RFTN2: variants seen among roughly 807,000 people sequenced by gnomAD.
The protein encoded by RFTN2 is raftlin family member 2.
A neutral mutation model predicts 52.7 loss-of-function variants in RFTN2; 34 were observed. The observed-to-expected ratio is 0.64, with a 90% CI of 0.49 to 0.86. RFTN2 has a LOEUF of 0.86. RFTN2 is among the 40% of genes least tolerant of loss of function. The pLI, the probability that RFTN2 is intolerant of heterozygous loss-of-function variation, is 0.00. For missense variants in RFTN2, 536 were observed against 600.1 expected, an observed-to-expected ratio of 0.89 and a Z score of 1.12; for synonymous variants, 203 against 217.7, an observed-to-expected ratio of 0.93 and a Z score of 0.59.
chr2:197,621,013 C>T (rs2088255181), intron 5 of RFTN2, among the ~76,000 whole-genome samples: 2 of 151,848 alleles, frequency 1.3e-5, no homozygotes, highest in South Asian at 4.2e-4. Context: ...AACAAAAAAC[C>T]CAGTGAAGTT....
chr2:197,618,044 G>A, intron 5 of RFTN2, 123 bp from the exon 6 acceptor site: 1 of 626,858 alleles, frequency 1.6e-6, no homozygotes, highest in South Asian at 2.6e-5. Flanking sequence ...AAAAACATTT[G>A]TTGCCCCCTC....
At chr2:197,587,403 C>G (rs947904481) in intron 8 of RFTN2, among the ~76,000 whole-genome samples, 5 of 152,068 alleles carry the variant, frequency 3.3e-5, no homozygotes, top group African/African-American at 1.2e-4. Context: ...ATCCAGATGG[C>G]CTGAAGTAAT....
chr2:197,647,175 CCAGT>C (rs2088765318), intron 1 of RFTN2, among the ~76,000 whole-genome samples: 1 of 152,048 alleles, frequency 6.6e-6, no homozygotes, highest in Admixed American at 6.6e-5. Context: ...ATTTGAAGAG[CCAGT>C]CATTTTTATG....
rs560969201 is a variant in RFTN2 at position 197,631,614 on chromosome 2, A to C, written c.719-394T>G. ...GACCTTTTGTTCAACATGCCTTTGA[A>C]ATGTAAATAACCATATAGATCTTAT... On this transcript the variant is annotated intron_variant, in intron 4 of 8. Transcript: ENST00000295049. Among the ~76,000 whole-genome samples the C allele has an allele frequency of 4.6e-4, 70 of 152,350 alleles. 2 individuals are homozygous for C. In the South Asian group the frequency reaches 0.01, roughly 22 times the overall value.
At chr2:197,610,267 T>C (rs1178465785) in intron 7 of RFTN2, among the ~76,000 whole-genome samples, 1 of 152,244 alleles carries the variant, frequency 6.6e-6, no homozygotes, top group Non-Finnish European at 1.5e-5. Context: ...GTTCTTCCAT[T>C]TGTTTGTGTC....
At chr2:197,615,756 C>A (rs747996640) in intron 7 of RFTN2, 120 bp downstream of exon 7, 1 of 608,636 alleles carries the variant, frequency 1.6e-6, no homozygotes, top group Non-Finnish European at 2.9e-6. Context: ...AAATCAAATT[C>A]GAAGCTCAGT....
intron 3 of RFTN2, among the ~76,000 whole-genome samples, chr2:197,636,437 C>T (rs1213702545): frequency 4.6e-5 from 6 of 130,784 alleles, no homozygotes; most frequent in Non-Finnish European, 8.1e-5. Flanking sequence ...TGTAGTTCTC[C>T]TTGAAGAGGT....
At chr2:197,602,459 C>A (rs2087894610) in intron 7 of RFTN2, among the ~76,000 whole-genome samples, 3 of 152,116 alleles carry the variant, frequency 2.0e-5, no homozygotes, top group African/African-American at 7.2e-5. Flanking sequence ...TAATTTCAAG[C>A]ATCTTTGAGA....
At chr2:197,618,836 G>GC (rs1354046296) in intron 5 of RFTN2, among the ~76,000 whole-genome samples, 1 of 151,210 alleles carries the variant, frequency 6.6e-6, no homozygotes, top group Non-Finnish European at 1.5e-5. Flanking sequence ...GAAGTGAGGA[G>GC]CCCCTCCGCC....
chr2:197,638,592 G>C (rs1438612813), intron 3 of RFTN2, among the ~76,000 whole-genome samples: 1 of 137,268 alleles, frequency 7.3e-6, no homozygotes, highest in East Asian at 2.0e-4. Flanking sequence ...CATTTGCTTG[G>C]TAGATCTTCC....
At chr2:197,592,495 G>C (rs6726807) in intron 8 of RFTN2, among the ~76,000 whole-genome samples, 6,054 of 152,274 alleles carry the variant, frequency 0.04, 384 homozygotes, top group African/African-American at 0.14. Flanking sequence ...GTGCCTGGCT[G>C]AAGAAATTTT....
In RFTN2 at chr2:197,626,483, C is replaced by T. The variant is rs147149930; in HGVS notation, c.928+4528G>A. ...GGAGGCTGAGGTGGGAGGATTGCCTCGGCCCAGGAGTTCAAGGCTACAGTG... is the reference window on the plus strand; with the variant it reads ...GGAGGCTGAGGTGGGAGGATTGCCTTGGCCCAGGAGTTCAAGGCTACAGTG... On this transcript the variant is annotated intron_variant, in intron 5 of 8. Transcript: ENST00000295049. 6.3e-4 allele frequency among the ~76,000 whole-genome samples: 96 copies of T among 151,536 alleles called. 1 individual carries two copies. The highest frequency in any genetic ancestry group is 3.4e-3 in the Middle Eastern group (1 of 294).
chr2:197,572,761 C>G (rs1408507141), intron 8 of RFTN2, among the ~76,000 whole-genome samples: 1 of 152,140 alleles, frequency 6.6e-6, no homozygotes, highest in Non-Finnish European at 1.5e-5. Flanking sequence ...TGTCCCCACC[C>G]AAATCTCATC....
chr2:197,669,025 A>G (rs2089104135), intron 1 of RFTN2, among the ~76,000 whole-genome samples: 1 of 151,978 alleles, frequency 6.6e-6, no homozygotes, highest in African/African-American at 2.4e-5. Flanking sequence ...TCCTTGTTTT[A>G]GATATTTCTT....
chr2:197,596,022 A>G lies in RFTN2; in HGVS notation c.1202T>C (p.Val401Ala). 6.2e-7 allele frequency: 1 copy of G among 1,612,596 alleles called. No homozygotes were observed. The highest frequency in any genetic ancestry group is 2.2e-5 in the East Asian group (1 of 44,856). ...TGTTTGAGCAGCTGAATTCCACATA[A>G]CTGGCCTCTGAAGGAATACGATCTG... The part of the protein sequence containing the change: ...TKQIVFLQRP[V>A]MWNSAAQTPD... The change falls in exon 8 of 9, where the codon GTT (valine) becomes GCT (alanine). Residue 401 changes from valine (V) to alanine (A), a missense_variant. Coordinates refer to ENST00000295049, the MANE Select transcript of RFTN2 (RefSeq NM_144629.3).
At chr2:197,624,331 G>A (rs934272384) in intron 5 of RFTN2, among the ~76,000 whole-genome samples, 1 of 152,096 alleles carries the variant, frequency 6.6e-6, no homozygotes, top group Non-Finnish European at 1.5e-5. Flanking sequence ...GTGGCGCGGT[G>A]ACTCATGCCT....
intron 3 of RFTN2, among the ~76,000 whole-genome samples, chr2:197,637,891 C>A (rs1483596000): frequency 6.6e-6 from 1 of 151,662 alleles, no homozygotes; most frequent in African/African-American, 2.4e-5. Context: ...TGTAAATTTC[C>A]CTCTACACAC....
chr2:197,611,830 T>G (rs927796502), intron 7 of RFTN2, among the ~76,000 whole-genome samples: 13 of 152,230 alleles, frequency 8.5e-5, no homozygotes, highest in Admixed American at 5.9e-4. Context: ...CTCATTGGTT[T>G]CAAAGAACAT....
rs921188786 is a variant in RFTN2, at chr2:197,568,349, C to A, written c.*3659G>T. 3 of 152,174 alleles carry A rather than the reference C, an allele frequency of 2.0e-5. No homozygotes were observed. The highest frequency in any genetic ancestry group is 2.0e-4 in the Admixed American group (3 of 15,276). 9.4% of individuals were successfully genotyped at this position (152,174 alleles called of 1,614,324 possible). A position where few individuals can be genotyped will look rare whatever the true frequency, so the allele number is the denominator to read the frequency against. The stretch of plus-strand genomic sequence containing the variant: ...TCTTTTGCAGTCGTCTTCACCAAAA[C>A]TTTATGAACCTCATCAAAACTGAGG... On this transcript the variant is annotated 3_prime_UTR_variant, in exon 9 of 9. Transcript: ENST00000295049.
Sources: gnomAD v4.1 joint callset for allele counts (sites outside exome capture counted in the v4.1 genomes callset) on GRCh38, gnomAD v4.1.1 for gene constraint, MANE v1.5 for transcripts, NCBI Gene and HGNC (gene_info 2026-07-23, HGNC 2026-07-21) for gene names.